AGMO: variants seen among roughly 807,000 people sequenced by gnomAD.
The protein encoded by AGMO is glyceryl-ether monooxygenase.
AGMO carries 75 observed loss-of-function variants against 60.2 expected under a neutral mutation model. The ratio of observed to expected loss-of-function variants is 1.25; its 90% confidence interval spans 1.03 to 1.51. The LOEUF (loss-of-function observed/expected upper bound fraction) is 1.51. Among genes scored for constraint, AGMO ranks in the 40% most tolerant of loss-of-function variants. The probability of loss-of-function intolerance (pLI) is 0.00; values close to 1 mark genes in which losing one functional copy is unlikely to be tolerated. For missense variants in AGMO, 763 were observed against 525.5 expected (o/e 1.45, Z -4.42); for synonymous variants, 261 against 177.1 (o/e 1.47, Z -3.76).
intron 3 of AGMO, among the ~76,000 whole-genome samples, chr7:15,463,043 G>A (rs538962910): frequency 5.9e-5 from 9 of 152,238 alleles, no homozygotes; most frequent in East Asian, 1.9e-4. Context: ...TAAGATTATC[G>A]AGAGTGGATA....
intron 3 of AGMO, among the ~76,000 whole-genome samples, chr7:15,510,939 T>A (rs966769546): frequency 6.7e-6 from 1 of 149,520 alleles, no homozygotes; most frequent in Admixed American, 6.7e-5. Context: ...GTTTATATTA[T>A]ATGATAATAT....
chr7:15,418,877 T>C (rs1428592691), intron 4 of AGMO, among the ~76,000 whole-genome samples: 1 of 151,876 alleles, frequency 6.6e-6, no homozygotes. Flanking sequence ...GCATTTAATA[T>C]TGTCTAGTTA....
intron 8 of AGMO, among the ~76,000 whole-genome samples, chr7:15,389,277 C>G (rs1411877590): frequency 6.7e-6 from 1 of 148,956 alleles, no homozygotes; most frequent in African/African-American, 2.5e-5. Flanking sequence ...GTTTGCAAAG[C>G]TCTGCCCCTA....
chr7:15,326,518 G>A (rs1293003763), intron 12 of AGMO, among the ~76,000 whole-genome samples: 1 of 152,094 alleles, frequency 6.6e-6, no homozygotes, highest in African/African-American at 2.4e-5. Flanking sequence ...GGCCTCTCAA[G>A]GATGCTTACT....
In AGMO at chr7:15,544,942, A is replaced by T; in HGVS notation, c.258-19T>A. Reference sequence around the variant, plus strand: ...AAATAGACTGGAAGATAAAATTCACAATCAGTGATTATATAACATTTTAGA... The same window carrying T: ...AAATAGACTGGAAGATAAAATTCACTATCAGTGATTATATAACATTTTAGA... On this transcript the variant is annotated intron_variant, in intron 2 of 12. Transcript: ENST00000342526. 2 of 1,481,860 alleles carry T rather than the reference A, an allele frequency of 1.3e-6. No homozygotes were observed. The highest frequency in any genetic ancestry group is 1.8e-6 in the Non-Finnish European group (2 of 1,106,174). 91.8% of individuals were successfully genotyped at this position (1,481,860 alleles called of 1,614,324 possible).
intron 12 of AGMO, among the ~76,000 whole-genome samples, chr7:15,356,925 T>C (rs1188792528): frequency 7.6e-6 from 1 of 131,948 alleles, no homozygotes; most frequent in East Asian, 2.1e-4. Flanking sequence ...CTGGCCAACA[T>C]GGCGAAATCC....
rs540043355 is a variant in AGMO at position 15,269,653 on chromosome 7, T to A, written c.1264-68294A>T. On this transcript the variant is annotated intron_variant, in intron 12 of 12. Transcript: ENST00000342526. The stretch of plus-strand genomic sequence containing the variant: ...ACATTCAAGGTGGTACATGTGCAAG[T>A]TTGTTGCACATTGTTGCATATTGAT... 3.3e-5 allele frequency among the ~76,000 whole-genome samples: 5 copies of A among 152,240 alleles called. No homozygotes were observed. The East Asian group carries it at 9.7e-4, about 29-fold the overall frequency.
chr7:15,415,661 A>G (rs1780745404), intron 5 of AGMO, among the ~76,000 whole-genome samples: 1 of 152,192 alleles, frequency 6.6e-6, no homozygotes, highest in South Asian at 2.1e-4. Context: ...CAATGTGATA[A>G]TAAATTTAAG....
chr7:15,527,173 A>T (rs1218335028), intron 3 of AGMO, among the ~76,000 whole-genome samples: 1 of 152,198 alleles, frequency 6.6e-6, no homozygotes, highest in Admixed American at 6.5e-5. Context: ...TAAGCTTAAG[A>T]AGGAAGGTAA....
chr7:15,334,621 T>A (rs1781595551), intron 12 of AGMO, among the ~76,000 whole-genome samples: 1 of 152,204 alleles, frequency 6.6e-6, no homozygotes. Flanking sequence ...GGTGTATTTT[T>A]ATTAGCTTTC....
chr7:15,443,018 A>G (rs1036662886), intron 3 of AGMO, among the ~76,000 whole-genome samples: 4 of 152,178 alleles, frequency 2.6e-5, no homozygotes, highest in Non-Finnish European at 4.4e-5. Context: ...ATTCCAGGGA[A>G]AACCAACTTC....
intron 12 of AGMO, among the ~76,000 whole-genome samples, chr7:15,312,583 T>C (rs1189961248): frequency 2.6e-5 from 4 of 151,684 alleles, no homozygotes; most frequent in Non-Finnish European, 4.4e-5. Context: ...AGGGCTGTGG[T>C]GGAAATCTTT....
At chr7:15,483,372 C>G (rs1327535552) in intron 3 of AGMO, among the ~76,000 whole-genome samples, 1 of 151,926 alleles carries the variant, frequency 6.6e-6, no homozygotes, top group Non-Finnish European at 1.5e-5. Context: ...TGAGACCATC[C>G]TGGCTAACAC....
intron 3 of AGMO, among the ~76,000 whole-genome samples, chr7:15,540,875 A>C (rs116328687): frequency 0.01 from 1,587 of 152,316 alleles, 13 homozygotes; most frequent in African/African-American, 0.036. Flanking sequence ...TATAAATTTT[A>C]AGTGTACAAC....
intron 3 of AGMO, among the ~76,000 whole-genome samples, chr7:15,450,617 T>C (rs1781832993): frequency 6.6e-6 from 1 of 152,138 alleles, no homozygotes; most frequent in African/African-American, 2.4e-5. Flanking sequence ...TATTATGAAT[T>C]TTGGTTTGTC....
At chr7:15,214,964 GTGATCCTATA>G (rs1781693109) in intron 12 of AGMO, among the ~76,000 whole-genome samples, 1 of 152,072 alleles carries the variant, frequency 6.6e-6, no homozygotes, top group Admixed American at 6.6e-5. Flanking sequence ...TTTGACAGCA[GTGATCCTATA>G]AGAGCCTATG....
At chr7:15,122,457 C>G in the AGMO span, among the ~76,000 whole-genome samples, 1 of 152,104 alleles carries the variant, frequency 6.6e-6, no homozygotes, top group Non-Finnish European at 1.5e-5. Context: ...AGACTTCTCT[C>G]CCAAACTACA....
At chr7:15,469,073 G>A (rs969417675) in intron 3 of AGMO, among the ~76,000 whole-genome samples, 3 of 152,116 alleles carry the variant, frequency 2.0e-5, no homozygotes, top group East Asian at 1.9e-4. Flanking sequence ...GGGAATGTAC[G>A]GGTTGTTTTC....
At chr7:15,394,499 T>A (rs910541187) in intron 5 of AGMO, among the ~76,000 whole-genome samples, 1 of 152,210 alleles carries the variant, frequency 6.6e-6, no homozygotes, top group Non-Finnish European at 1.5e-5. Flanking sequence ...CTCAATTTTC[T>A]CATCTTTAAA....
Sources: allele counts gnomAD v4.1 joint callset (sites outside exome capture counted in the v4.1 genomes callset), GRCh38; gene constraint gnomAD v4.1.1; transcripts MANE v1.5; gene names NCBI Gene and HGNC (gene_info 2026-07-23, HGNC 2026-07-21).